The following TCF20 variants were observed in gnomAD, a reference collection of about 807,000 sequenced individuals.
TCF20 encodes transcription factor 20, also known as SPRE-binding protein.
TCF20 carries 3 observed loss-of-function variants against 148.6 expected under a neutral mutation model. The ratio of observed to expected loss-of-function variants is 0.02; its 90% CI spans 0.01 to 0.05. The LOEUF is 0.05. Among genes scored for constraint, TCF20 ranks in the 10% least tolerant of loss-of-function variants. TCF20 has a pLI of 1.00. For synonymous variants in TCF20, 1,049 were observed against 909.5 expected, an observed-to-expected ratio of 1.15 and a Z score of -2.76; for missense variants, 2,350 against 2,429.3, an observed-to-expected ratio of 0.97 and a Z score of 0.69.
chr22:42,263,189 C>T (rs1926114606), intron 1 of TCF20, among the ~76,000 whole-genome samples: 1 of 152,198 alleles, frequency 6.6e-6, no homozygotes, highest in South Asian at 2.1e-4. Context: ...GGTTGCACAT[C>T]CTCCTTCACA....
intron 1 of TCF20, among the ~76,000 whole-genome samples, chr22:42,240,393 C>T (rs747355346): frequency 1.3e-4 from 20 of 152,198 alleles, no homozygotes; most frequent in Non-Finnish European, 2.5e-4. Flanking sequence ...TAGTATCACT[C>T]ACCATATGGT....
chr22:42,335,216 G>T (rs938061942), intron 1 of TCF20, among the ~76,000 whole-genome samples: 1 of 152,042 alleles, frequency 6.6e-6, no homozygotes, highest in Non-Finnish European at 1.5e-5. Flanking sequence ...GTCCCACTTG[G>T]GATGCTCTCC....
chr22:42,205,632 A>C (rs941613886), intron 2 of TCF20, among the ~76,000 whole-genome samples: 8 of 152,260 alleles, frequency 5.3e-5, no homozygotes, highest in Non-Finnish European at 1.0e-4. Flanking sequence ...TGTCAAATTA[A>C]ATAAAAGGCA....
chr22:42,161,775 CG>C (rs1464248540), intron 5 of TCF20, among the ~76,000 whole-genome samples: 1 of 152,170 alleles, frequency 6.6e-6, no homozygotes, highest in African/African-American at 2.4e-5. Flanking sequence ...AGAAACTTCT[CG>C]AAGTCCAGCC....
rs923756816 is a variant in TCF20 at position 42,192,311 on chromosome 22, C to T, written c.5656-12609G>A. ...CAAATCTGTGAAGATCATACTGAAGCGGAAATCTCCAAAGCTGTTCCAAAC... is the reference window on the plus strand; with the variant it reads ...CAAATCTGTGAAGATCATACTGAAGTGGAAATCTCCAAAGCTGTTCCAAAC... On this transcript the variant is annotated intron_variant, in intron 2 of 5. Transcript: ENST00000677622. Among the ~76,000 whole-genome samples, 5 of 152,206 alleles carry T rather than the reference C, an allele frequency of 3.3e-5. No homozygotes were observed. In the South Asian group the frequency reaches 6.2e-4, roughly 19 times the overall value.
chr22:42,222,355 T>TC (rs2147250344), intron 1 of TCF20, among the ~76,000 whole-genome samples: 1 of 152,284 alleles, frequency 6.6e-6, no homozygotes, highest in South Asian at 2.1e-4. Flanking sequence ...GACACTACTC[T>TC]CCTTCCTGTA....
chr22:42,237,207 A>T (rs764155305), intron 1 of TCF20, among the ~76,000 whole-genome samples: 14 of 152,224 alleles, frequency 9.2e-5, no homozygotes, highest in Non-Finnish European at 1.8e-4. Context: ...TGCTTAATCA[A>T]CTACGTTTAT....
At chr22:42,314,227 C>A (rs950922442) in intron 1 of TCF20, among the ~76,000 whole-genome samples, 11 of 152,230 alleles carry the variant, frequency 7.2e-5, no homozygotes, top group African/African-American at 2.4e-4. Context: ...TGGTGCATGT[C>A]TGGAACTGGC....
At chr22:42,178,909 A>G (rs1936604307) in intron 3 of TCF20, among the ~76,000 whole-genome samples, 2 of 152,056 alleles carry the variant, frequency 1.3e-5, no homozygotes, top group Admixed American at 6.6e-5. Context: ...GTGAATAGCT[A>G]TTTCTCCAAA....
chr22:42,191,014 T>C (rs1416644550), intron 2 of TCF20, among the ~76,000 whole-genome samples: 2 of 152,050 alleles, frequency 1.3e-5, no homozygotes, highest in Non-Finnish European at 1.5e-5. Flanking sequence ...AATAAATTTA[T>C]GGAGGCAAAA....
chr22:42,298,621 A>G (rs1927277250), intron 1 of TCF20, among the ~76,000 whole-genome samples: 1 of 151,954 alleles, frequency 6.6e-6, no homozygotes, highest in Non-Finnish European at 1.5e-5. Context: ...GTGCTGGGGG[A>G]GGGGGCAGTG....
At chr22:42,323,336 G>T in intron 1 of TCF20, among the ~76,000 whole-genome samples, 1 of 150,604 alleles carries the variant, frequency 6.6e-6, no homozygotes, top group East Asian at 1.9e-4. Flanking sequence ...GTGGCAGCCA[G>T]GGGCAGCCAG....
Position 42,164,942 on chromosome 22 carries a change from A to G in TCF20, c.*45-3584T>C, listed in dbSNP as rs953648378. On this transcript the variant is annotated intron_variant, in intron 5 of 5. Transcript: ENST00000677622. ...CTGGAGAGTCACCTGAGACTTCCAT[A>G]GGGCTCTGGAAGGCAAGGTGAGATG... is the stretch of plus-strand genomic sequence containing the variant. Among the ~76,000 whole-genome samples the G allele has an allele frequency of 8.5e-5, 13 of 152,326 alleles. No homozygotes were observed. In the East Asian group the frequency reaches 2.5e-3, roughly 29 times the overall value.
chr22:42,191,010 T>C (rs1937305315), intron 2 of TCF20, among the ~76,000 whole-genome samples: 2 of 152,170 alleles, frequency 1.3e-5, no homozygotes, highest in African/African-American at 4.8e-5. Context: ...CATTAATAAA[T>C]TTATGGAGGC....
chr22:42,166,670 C>T (rs1299147814), intron 5 of TCF20, among the ~76,000 whole-genome samples: 2 of 151,176 alleles, frequency 1.3e-5, no homozygotes, highest in Non-Finnish European at 1.5e-5. Flanking sequence ...CCAAGAATGA[C>T]TAGAGAGGAA....
chr22:42,331,357 T>A (rs534067700), intron 1 of TCF20, among the ~76,000 whole-genome samples: 2 of 152,200 alleles, frequency 1.3e-5, no homozygotes, highest in African/African-American at 4.8e-5. Context: ...CCCTGAGATC[T>A]CGTGAGCCTC....
Position 42,181,349 on chromosome 22 carries a change from A to G in TCF20, c.5656-1647T>C, listed in dbSNP as rs6002646. On this transcript the variant is annotated intron_variant, in intron 2 of 5. Transcript: ENST00000677622. ...CAGGCGTATGCCACCACGCCAGGCT[A>G]ATTTTTGTATTTTTAGTAGAGATGG... Among the ~76,000 whole-genome samples, 527 of 151,836 alleles carry G rather than the reference A, an allele frequency of 3.5e-3. 1 individual carries two copies. Among genetic ancestry groups the G allele is most frequent in the African/African-American group, 0.011 (476 of 41,402 alleles).
intron 1 of TCF20, among the ~76,000 whole-genome samples, chr22:42,261,091 A>AGAAC (rs1926005133): frequency 1.3e-5 from 2 of 152,206 alleles, no homozygotes; most frequent in Admixed American, 1.3e-4. Context: ...TGGAATGTCC[A>AGAAC]TTAAGTGGGA....
chr22:42,243,625 A>G (rs892252445), intron 1 of TCF20, among the ~76,000 whole-genome samples: 3 of 152,062 alleles, frequency 2.0e-5, no homozygotes, highest in Non-Finnish European at 4.4e-5. Flanking sequence ...AAAAGGTCAA[A>G]TATGAACTGG....
Sources: allele counts gnomAD v4.1 joint callset (sites outside exome capture counted in the v4.1 genomes callset), GRCh38; gene constraint gnomAD v4.1.1; transcripts MANE v1.5; gene names NCBI Gene and HGNC (gene_info 2026-07-23, HGNC 2026-07-21).